Variants in ATL2 observed in about 807,000 individuals in gnomAD.
ATL2 encodes atlastin GTPase 2.
Under a neutral mutation model 73.9 loss-of-function variants are expected in ATL2, and 31 were observed. The ratio of observed to expected loss-of-function variants is 0.42; its 90% CI spans 0.32 to 0.57. The LOEUF (loss-of-function observed/expected upper bound fraction) is 0.57, where lower values mean the gene tolerates loss of function less well. Among genes scored for constraint, ATL2 ranks in the 20% least tolerant of loss-of-function variants. The pLI is 0.14. For missense variants in ATL2, 738 were observed against 702.6 expected, an observed-to-expected ratio of 1.05 and a Z score of -0.57; for synonymous variants, 291 against 237.5, an observed-to-expected ratio of 1.23 and a Z score of -2.07.
At chr2:38,332,601 T>C (rs980731868) in intron 2 of ATL2, among the ~76,000 whole-genome samples, 7 of 152,184 alleles carry the variant, frequency 4.6e-5, no homozygotes, top group Non-Finnish European at 1.0e-4. Context: ...GAATGACTTA[T>C]ATGGTAAGTA....
intron 2 of ATL2, among the ~76,000 whole-genome samples, chr2:38,334,397 T>C (rs560454100): frequency 6.6e-6 from 1 of 151,988 alleles, no homozygotes; most frequent in South Asian, 2.1e-4. Context: ...TATTTCCTTA[T>C]TGACTCTTAA....
chr2:38,323,764 G>T (rs1401540671), intron 2 of ATL2, among the ~76,000 whole-genome samples: 1 of 152,112 alleles, frequency 6.6e-6, no homozygotes, highest in Middle Eastern at 3.2e-3. Flanking sequence ...CCAAGCTGGA[G>T]AGCAATGGCA....
intron 6 of ATL2, among the ~76,000 whole-genome samples, chr2:38,314,260 A>G (rs1366105964): frequency 2.0e-5 from 3 of 152,222 alleles, no homozygotes; most frequent in Non-Finnish European, 4.4e-5. Flanking sequence ...AAACCACAAA[A>G]AAGAAACCTG....
intron 2 of ATL2, among the ~76,000 whole-genome samples, chr2:38,329,336 G>A (rs1257262629): frequency 7.1e-6 from 1 of 141,184 alleles, no homozygotes; most frequent in Non-Finnish European, 1.5e-5. Flanking sequence ...ATTGAGGCAG[G>A]AGAATCGCTG....
At chr2:38,341,978 A>C (rs188162962) in intron 2 of ATL2, among the ~76,000 whole-genome samples, 1 of 152,330 alleles carries the variant, frequency 6.6e-6, no homozygotes, top group East Asian at 1.9e-4. Context: ...TGAATGTCAA[A>C]AGTTCCCTAT....
chr2:38,329,144 A>G (rs1233027758), intron 2 of ATL2, among the ~76,000 whole-genome samples: 1 of 149,518 alleles, frequency 6.7e-6, no homozygotes, highest in African/African-American at 2.4e-5. Flanking sequence ...AAAAAAAAAA[A>G]GGCCAGGCGT....
intron 4 of ATL2, among the ~76,000 whole-genome samples, chr2:38,317,874 C>T (rs969753191): frequency 1.3e-5 from 2 of 151,782 alleles, no homozygotes; most frequent in African/African-American, 4.8e-5. Context: ...TCCTTTGTAA[C>T]TATCCAAAGT....
At chr2:38,300,498 A>G (rs1667130006) in intron 9 of ATL2, 170 bp from the exon 10 acceptor site, 4 of 505,156 alleles carry the variant, frequency 7.9e-6, no homozygotes, top group Non-Finnish European at 1.1e-5. Flanking sequence ...AATATTATTA[A>G]ATTATATGCT....
chr2:38,369,975 C>T (rs894876412), intron 1 of ATL2, among the ~76,000 whole-genome samples: 1 of 149,024 alleles, frequency 6.7e-6, no homozygotes, highest in Non-Finnish European at 1.5e-5. Context: ...CACGGTGAAA[C>T]CCCGTCTCTA....
intron 1 of ATL2, among the ~76,000 whole-genome samples, chr2:38,357,233 C>T (rs1242678932): frequency 6.6e-6 from 1 of 151,940 alleles, no homozygotes; most frequent in Non-Finnish European, 1.5e-5. Context: ...GAGGCTGAGG[C>T]AGGACAATTA....
rs190012988 is a variant in ATL2 at position 38,343,524 on chromosome 2, A to G, written c.119-12T>C. ...TTCATAATTCTCACCTAGAATTTAA[A>G]AAGAAAGAAACTGGTTACTTTAATC... On this transcript the variant is annotated splice_polypyrimidine_tract_variant and intron_variant, in intron 1 of 12. Coordinates refer to ENST00000378954, the MANE Select transcript of ATL2 (RefSeq NM_001135673.4). The G allele has an allele frequency of 1.2e-5, 19 of 1,598,852 alleles. No homozygotes were observed. In the African/African-American group the frequency reaches 2.3e-4, roughly 19 times the overall value.
At chr2:38,300,880 G>GAAA (rs60232727) in intron 9 of ATL2, among the ~76,000 whole-genome samples, 1,484 of 103,402 alleles carry the variant, frequency 0.014, 40 homozygotes, top group African/African-American at 0.045. Context: ...GCTCAAGAAG[G>GAAA]AAAAAAAAAA....
intron 7 of ATL2, among the ~76,000 whole-genome samples, chr2:38,312,538 G>A (rs7562704): frequency 0.081 from 12,360 of 151,876 alleles, 1,687 homozygotes; most frequent in African/African-American, 0.28. Flanking sequence ...GTGAAACCCC[G>A]TCTCTGCTAA....
At chr2:38,325,699 TACACACA>T (rs1668598096) in intron 2 of ATL2, among the ~76,000 whole-genome samples, 1 of 11,316 alleles carries the variant, frequency 8.8e-5, no homozygotes, top group African/African-American at 2.9e-4. Flanking sequence ...CACACACCAG[TACACACA>T]CACACACACA....
chr2:38,333,057 T>A (rs886074998), intron 2 of ATL2, among the ~76,000 whole-genome samples: 1 of 151,830 alleles, frequency 6.6e-6, no homozygotes, highest in Non-Finnish European at 1.5e-5. Flanking sequence ...AGAAAAGAAA[T>A]TCTGAACTAA....
chr2:38,352,350 T>C (rs1416272313), intron 1 of ATL2, among the ~76,000 whole-genome samples: 1 of 152,094 alleles, frequency 6.6e-6, no homozygotes, highest in Non-Finnish European at 1.5e-5. Context: ...ACATGAAGCA[T>C]TGTTTTTCAA....
At chr2:38,335,392 T>C (rs976643230) in intron 2 of ATL2, among the ~76,000 whole-genome samples, 17 of 152,192 alleles carry the variant, frequency 1.1e-4, no homozygotes, top group African/African-American at 4.1e-4. Flanking sequence ...CAATGAAATA[T>C]CACTCAGCAA....
chr2:38,299,494 T>C (rs954415149), intron 10 of ATL2, among the ~76,000 whole-genome samples, 167 bp from the exon 11 acceptor site: 4 of 152,212 alleles, frequency 2.6e-5, no homozygotes, highest in Non-Finnish European at 5.9e-5. Context: ...AAGGATATAA[T>C]GGTAAGTGGT....
chr2:38,324,430 T>A (rs1205963516), intron 2 of ATL2, among the ~76,000 whole-genome samples: 1 of 152,240 alleles, frequency 6.6e-6, no homozygotes, highest in Admixed American at 6.5e-5. Flanking sequence ...CCCAAAGTGA[T>A]GGACACAATA....
Sources: allele counts gnomAD v4.1 joint callset (sites outside exome capture counted in the v4.1 genomes callset), GRCh38; gene constraint gnomAD v4.1.1; transcripts MANE v1.5; gene names NCBI Gene and HGNC (gene_info 2026-07-23, HGNC 2026-07-21).